SLC35F4: variants seen among roughly 807,000 people sequenced by gnomAD.
SLC35F4 encodes the protein chromosome 14 open reading frame 36.
Under a neutral mutation model 44.2 loss-of-function variants are expected in SLC35F4, and 24 were observed. That is an observed-to-expected ratio of 0.54 (90% CI 0.39 to 0.76). The LOEUF (loss-of-function observed/expected upper bound fraction) is 0.76, where lower values mean the gene tolerates loss of function less well. SLC35F4 is among the 30% of genes least tolerant of loss of function. The pLI is 0.00. For missense variants in SLC35F4, 562 were observed against 586.1 expected, an observed-to-expected ratio of 0.96 and a Z score of 0.42; for synonymous variants, 238 against 223.6, an observed-to-expected ratio of 1.06 and a Z score of -0.57.
Position 57,564,438 on chromosome 14 carries a change from C to T in SLC35F4, c.1217-62G>A, listed in dbSNP as rs115206639. ...CTGTTTCTAAGCTTTGAAAACAAGT[C>T]ACCAAAGTCCATGTTACTTCTAGAG... On this transcript the variant is annotated intron_variant, in intron 7 of 7. Coordinates refer to ENST00000556826, the MANE Select transcript of SLC35F4 (RefSeq NM_001306087.2). The T allele has an allele frequency of 7.0e-4, 1,078 of 1,539,304 alleles. 10 individuals are homozygous for T. In the African/African-American group the frequency reaches 0.012, roughly 18 times the overall value.
chr14:57,863,603 A>G (rs1331375063), intron 1 of SLC35F4, among the ~76,000 whole-genome samples: 1 of 152,168 alleles, frequency 6.6e-6, no homozygotes, highest in East Asian at 1.9e-4. Context: ...TCAATTGACC[A>G]TATTGTACTG....
chr14:57,946,631 T>C (rs1890037161), intron 1 of SLC35F4, among the ~76,000 whole-genome samples: 1 of 151,806 alleles, frequency 6.6e-6, no homozygotes, highest in South Asian at 2.1e-4. Flanking sequence ...TGTGCCACCA[T>C]GCCTGGCTAA....
chr14:57,774,050 G>T (rs1171236949), intron 1 of SLC35F4, among the ~76,000 whole-genome samples: 2 of 152,120 alleles, frequency 1.3e-5, no homozygotes, highest in Admixed American at 6.5e-5. Context: ...TAGTGCAAGT[G>T]GAAGACTTCT....
At chr14:57,639,880 TA>T (rs1371308204) in intron 1 of SLC35F4, among the ~76,000 whole-genome samples, 18 of 152,174 alleles carry the variant, frequency 1.2e-4, no homozygotes, top group Middle Eastern at 3.4e-3. Flanking sequence ...CTGTCCAGGA[TA>T]ACCATAAGAA....
chr14:57,860,882 A>G (rs957725092), intron 1 of SLC35F4, among the ~76,000 whole-genome samples: 4 of 152,080 alleles, frequency 2.6e-5, no homozygotes, highest in African/African-American at 9.7e-5. Context: ...TACCAGGTTT[A>G]ATTTCCATGA....
chr14:57,599,347 T>C (rs927613545), intron 1 of SLC35F4, among the ~76,000 whole-genome samples: 1 of 152,190 alleles, frequency 6.6e-6, no homozygotes, highest in African/African-American at 2.4e-5. Flanking sequence ...TGCAAATTCT[T>C]AGTGCCAATA....
intron 1 of SLC35F4, among the ~76,000 whole-genome samples, chr14:57,658,227 A>C (rs538943155): frequency 1.3e-5 from 2 of 152,222 alleles, no homozygotes; most frequent in Non-Finnish European, 2.9e-5. Context: ...CTCTATAAAC[A>C]GAACATTGAT....
At chr14:57,606,439 A>G (rs1350941552) in intron 1 of SLC35F4, among the ~76,000 whole-genome samples, 1 of 152,166 alleles carries the variant, frequency 6.6e-6, no homozygotes, top group Non-Finnish European at 1.5e-5. Context: ...ACTGATTTTA[A>G]TTTGTTTTCT....
chr14:57,734,669 C>T (rs1000584442), intron 1 of SLC35F4, among the ~76,000 whole-genome samples: 2 of 152,046 alleles, frequency 1.3e-5, no homozygotes, highest in Admixed American at 1.3e-4. Flanking sequence ...TTCTTTTAGT[C>T]ACAGTCTATG....
At chr14:57,835,458 C>T (rs147677920) in intron 1 of SLC35F4, among the ~76,000 whole-genome samples, 4 of 152,334 alleles carry the variant, frequency 2.6e-5, no homozygotes, top group Admixed American at 6.5e-5. Context: ...AAGACTTTCT[C>T]AACACTCCTA....
At chr14:57,603,274 T>C (rs1312786379) in intron 1 of SLC35F4, among the ~76,000 whole-genome samples, 1 of 152,218 alleles carries the variant, frequency 6.6e-6, no homozygotes, top group Non-Finnish European at 1.5e-5. Context: ...GTGCTTTTCA[T>C]TGCAAAAGAA....
chr14:57,655,639 C>T (rs952959458), intron 1 of SLC35F4, among the ~76,000 whole-genome samples: 8 of 152,122 alleles, frequency 5.3e-5, no homozygotes, highest in Admixed American at 6.5e-5. Flanking sequence ...ACCGTCCTGT[C>T]CCCTTCTAGG....
At chr14:57,972,908 C>T (rs1315200638), downstream of SLC35F4, among the ~76,000 whole-genome samples, 1 of 152,220 alleles carries the variant, frequency 6.6e-6, no homozygotes, top group African/African-American at 2.4e-5. Flanking sequence ...GAATACAATG[C>T]CGAGGGAGAA....
chr14:57,644,926 G>T (rs1017450552), intron 1 of SLC35F4, among the ~76,000 whole-genome samples: 5 of 152,176 alleles, frequency 3.3e-5, no homozygotes, highest in Non-Finnish European at 5.9e-5. Flanking sequence ...AGATCAGATA[G>T]TTGTAGATAT....
intron 1 of SLC35F4, among the ~76,000 whole-genome samples, chr14:57,915,167 G>T (rs1889294919): frequency 6.6e-6 from 1 of 152,182 alleles, no homozygotes; most frequent in African/African-American, 2.4e-5. Context: ...CACTGCACCA[G>T]AAAGTGGGAA....
chr14:57,791,190 A>T (rs2077908075), intron 1 of SLC35F4, among the ~76,000 whole-genome samples: 1 of 152,248 alleles, frequency 6.6e-6, no homozygotes, highest in African/African-American at 2.4e-5. Context: ...CATCGGAGTG[A>T]ACAGGCAATC....
intron 1 of SLC35F4, among the ~76,000 whole-genome samples, chr14:57,676,041 G>A (rs2074682291): frequency 6.6e-6 from 1 of 151,966 alleles, no homozygotes; most frequent in South Asian, 2.1e-4. Context: ...CCACAGAGTG[G>A]AAGAAAATAT....
chr14:57,678,901 A>C (rs1013613935), intron 1 of SLC35F4, among the ~76,000 whole-genome samples: 1 of 152,016 alleles, frequency 6.6e-6, no homozygotes, highest in Admixed American at 6.5e-5. Flanking sequence ...CTTCAAAGAG[A>C]CTTAGACTCC....
chr14:57,840,302 G>T (rs1009141284), intron 1 of SLC35F4, among the ~76,000 whole-genome samples: 1 of 152,164 alleles, frequency 6.6e-6, no homozygotes, highest in Non-Finnish European at 1.5e-5. Context: ...GCCAGGCATT[G>T]TGCCCTCAGT....
Sources: allele counts gnomAD v4.1 joint callset (sites outside exome capture counted in the v4.1 genomes callset), GRCh38; gene constraint gnomAD v4.1.1; transcripts MANE v1.5; gene names NCBI Gene and HGNC (gene_info 2026-07-23, HGNC 2026-07-21).